Variants in KCNK1 observed in about 807,000 individuals in gnomAD.
The protein encoded by KCNK1 is potassium two pore domain channel subfamily K member 1.
KCNK1 carries 10 observed loss-of-function variants against 22.2 expected under a neutral mutation model. That is an observed-to-expected ratio of 0.45 (90% confidence interval 0.28 to 0.76). KCNK1 has a LOEUF of 0.76. Ranked by LOEUF, KCNK1 falls within the 30% of genes least tolerant of loss-of-function variation. KCNK1 has a pLI of 0.14. For missense variants in KCNK1, 378 were observed against 421.0 expected (o/e 0.90, Z 0.89); for synonymous variants, 200 against 186.4 (o/e 1.07, Z -0.60).
At chr1:233,665,802 T>TCTGGCGAGGA (rs1658478118) in intron 1 of KCNK1, among the ~76,000 whole-genome samples, 1 of 152,260 alleles carries the variant, frequency 6.6e-6, no homozygotes, top group African/African-American at 2.4e-5. Flanking sequence ...CACAGAGTCC[T>TCTGGCGAGGA]CTGGCGAGGA....
chr1:233,627,490 C>G (rs1388562182), intron 1 of KCNK1, among the ~76,000 whole-genome samples: 1 of 149,146 alleles, frequency 6.7e-6, no homozygotes, highest in East Asian at 1.9e-4. Context: ...AATTCTGACT[C>G]AGAAATTCTG....
At chr1:233,641,736 ACAAG>A (rs1658003394) in intron 1 of KCNK1, among the ~76,000 whole-genome samples, 1 of 152,198 alleles carries the variant, frequency 6.6e-6, no homozygotes, top group African/African-American at 2.4e-5. Context: ...CAAGAGAAAA[ACAAG>A]CAAGTTTATT....
chr1:233,657,819 ATT>A (rs56718419), intron 1 of KCNK1, among the ~76,000 whole-genome samples: 59 of 149,410 alleles, frequency 3.9e-4, no homozygotes, highest in Non-Finnish European at 5.7e-4. Flanking sequence ...AAAAGTGTTA[ATT>A]TTTTTTTTTA....
chr1:233,666,030 A>T (rs1407351307), intron 1 of KCNK1, among the ~76,000 whole-genome samples: 1 of 152,088 alleles, frequency 6.6e-6, no homozygotes, highest in African/African-American at 2.4e-5. Context: ...CCGCTTTTTG[A>T]TATCTCTATC....
At chr1:233,640,579 C>T (rs1571896271) in intron 1 of KCNK1, among the ~76,000 whole-genome samples, 3 of 152,208 alleles carry the variant, frequency 2.0e-5, no homozygotes. Flanking sequence ...ACTTTGGTAA[C>T]ATTTTACATT....
At chr1:233,656,218 G>C (rs920537793) in intron 1 of KCNK1, among the ~76,000 whole-genome samples, 5 of 152,206 alleles carry the variant, frequency 3.3e-5, no homozygotes, top group Non-Finnish European at 7.3e-5. Context: ...AGAGTCTCCG[G>C]TGTGAACTGA....
chr1:233,655,003 C>T (rs1489300085), intron 1 of KCNK1, among the ~76,000 whole-genome samples: 1 of 152,102 alleles, frequency 6.6e-6, no homozygotes, highest in Admixed American at 6.6e-5. Context: ...ACCCCAGCAG[C>T]CCCAGACCTG....
At chr1:233,619,923 G>C (rs1657550778) in intron 1 of KCNK1, among the ~76,000 whole-genome samples, 2 of 139,386 alleles carry the variant, frequency 1.4e-5, no homozygotes, top group Non-Finnish European at 3.2e-5. Flanking sequence ...AGCGAGGGGG[G>C]CGGGGGGGCG....
At chr1:233,653,671 A>G (rs1658238012) in intron 1 of KCNK1, among the ~76,000 whole-genome samples, 1 of 152,132 alleles carries the variant, frequency 6.6e-6, no homozygotes, top group Non-Finnish European at 1.5e-5. Context: ...ACTGGGAGTT[A>G]TGTCATTGGC....
At chr1:233,671,173 C>T in intron 2 of KCNK1, 98 bp from the exon 3 acceptor site, 2 of 1,123,994 alleles carry the variant, frequency 1.8e-6, no homozygotes, top group Non-Finnish European at 2.6e-6. Context: ...TATTCCTTAA[C>T]AAACACTGTG....
intron 1 of KCNK1, among the ~76,000 whole-genome samples, chr1:233,627,508 A>G (rs1441514477): frequency 6.6e-6 from 1 of 151,648 alleles, no homozygotes; most frequent in Non-Finnish European, 1.5e-5. Flanking sequence ...CTGAGTAGCA[A>G]AGCGCCCACA....
At chr1:233,670,318 G>C (rs750501308) in intron 2 of KCNK1, among the ~76,000 whole-genome samples, 5 of 152,146 alleles carry the variant, frequency 3.3e-5, no homozygotes, top group Non-Finnish European at 7.4e-5. Context: ...TGGCTTTGTT[G>C]CTGGATTTAG....
At chr1:233,644,128 CCTT>C (rs1242365873) in intron 1 of KCNK1, among the ~76,000 whole-genome samples, 2 of 152,172 alleles carry the variant, frequency 1.3e-5, no homozygotes, top group Non-Finnish European at 2.9e-5. Context: ...CTGATGAAGG[CCTT>C]CTTCCTGCAT....
At chr1:233,661,059 T>C (rs779711848) in intron 1 of KCNK1, among the ~76,000 whole-genome samples, 11 of 152,224 alleles carry the variant, frequency 7.2e-5, no homozygotes, top group Non-Finnish European at 1.5e-4. Context: ...TTATTCTGCA[T>C]ACACTACAGC....
chr1:233,669,284 T>C (rs1279875985), intron 2 of KCNK1, among the ~76,000 whole-genome samples: 3 of 152,366 alleles, frequency 2.0e-5, no homozygotes, highest in South Asian at 4.1e-4. Flanking sequence ...ATATAAATTG[T>C]CTTCTCATAA....
intron 2 of KCNK1, among the ~76,000 whole-genome samples, chr1:233,669,977 T>G (rs1267457266): frequency 3.9e-5 from 6 of 152,234 alleles, no homozygotes; most frequent in Non-Finnish European, 7.3e-5. Flanking sequence ...AGTTTCCTTA[T>G]TCCTGTTATG....
intron 1 of KCNK1, among the ~76,000 whole-genome samples, chr1:233,640,759 C>T (rs1327540185): frequency 6.6e-6 from 1 of 152,034 alleles, no homozygotes; most frequent in Non-Finnish European, 1.5e-5. Flanking sequence ...GACTGGAGTG[C>T]AGTAGCTCAA....
chr1:233,653,102 A>G (rs1658227932), intron 1 of KCNK1, among the ~76,000 whole-genome samples: 1 of 152,202 alleles, frequency 6.6e-6, no homozygotes, highest in Admixed American at 6.5e-5. Flanking sequence ...CTGGTACCAG[A>G]CAACTGGGAC....
chr1:233,646,656 G>C (rs1343086459), intron 1 of KCNK1, among the ~76,000 whole-genome samples: 1 of 152,028 alleles, frequency 6.6e-6, no homozygotes, highest in African/African-American at 2.4e-5. Flanking sequence ...GTTCTAATGT[G>C]GTGGGGTCAC....
Sources: gnomAD v4.1 joint callset for allele counts (sites outside exome capture counted in the v4.1 genomes callset) on GRCh38, gnomAD v4.1.1 for gene constraint, MANE v1.5 for transcripts, NCBI Gene and HGNC (gene_info 2026-07-23, HGNC 2026-07-21) for gene names.